GLG1: variants seen among roughly 807,000 people sequenced by gnomAD.
The protein encoded by GLG1 is Golgi apparatus protein 1.
Under a neutral mutation model 160.5 loss-of-function variants are expected in GLG1, and 38 were observed. That is an observed-to-expected ratio of 0.24 (90% CI 0.18 to 0.31). The LOEUF (loss-of-function observed/expected upper bound fraction) is 0.31, where lower values mean the gene tolerates loss of function less well. GLG1 is among the 10% of genes least tolerant of loss of function. GLG1 has a pLI of 1.00. For missense variants in GLG1, 1,373 were observed against 1,505.2 expected (o/e 0.91, Z 1.45); for synonymous variants, 644 against 543.4 (o/e 1.19, Z -2.57).
In GLG1 at chr16:74,606,722, C is replaced by T. The variant is rs565382408; in HGVS notation, c.373G>A (p.Val125Met). 3 of 1,612,642 alleles carry T rather than the reference C, an allele frequency of 1.9e-6. No individual in the cohort carries two copies. In the South Asian group the frequency reaches 3.3e-5, roughly 18 times the overall value. The change falls in exon 1 of 26, where the codon GTG becomes ATG. Residue 125 changes from valine to methionine, a missense_variant. Physicochemically the swap from Val to Met is conservative, Grantham distance 21. This residue lies in a region of GLG1 where 322 missense variants were observed against 254.6 expected (regional missense o/e 1.26). Transcript: ENST00000422840. ...EESCREDVTR[V>M]CPKHTWSNNL... ...TTGCTCCAGGTGTGCTTAGGGCACA[C>T]GCGGGTCACGTCCTCCCTGCAGGAC...
At chr16:74,503,773 C>T (rs1555510920) in intron 3 of GLG1, 27 bp from the exon 4 acceptor site, 2 of 1,409,648 alleles carry the variant, frequency 1.4e-6, no homozygotes, top group East Asian at 2.3e-5. Flanking sequence ...AGCTGTTTTA[C>T]AAAAGTGTTC....
At chr16:74,471,472 AAC>A (rs1169059217) in intron 14 of GLG1, among the ~76,000 whole-genome samples, 186 bp from the exon 15 acceptor site, 2 of 152,176 alleles carry the variant, frequency 1.3e-5, no homozygotes, top group African/African-American at 2.4e-5. Context: ...GCATAAAACT[AAC>A]ACAGCACTGT....
intron 8 of GLG1, among the ~76,000 whole-genome samples, chr16:74,490,671 T>C (rs1296995987): frequency 2.6e-5 from 4 of 152,224 alleles, no homozygotes; most frequent in Non-Finnish European, 5.9e-5. Flanking sequence ...TCGTCATTGA[T>C]TGGAACCTGG....
At chr16:74,466,829 A>G (rs567000835) in intron 18 of GLG1, among the ~76,000 whole-genome samples, 211 of 152,302 alleles carry the variant, frequency 1.4e-3, no homozygotes, top group African/African-American at 4.8e-3. Context: ...GGAGTTACCT[A>G]AAATGTAGTA....
chr16:74,596,598 T>C (rs1025470250), intron 1 of GLG1, among the ~76,000 whole-genome samples: 1 of 152,242 alleles, frequency 6.6e-6, no homozygotes, highest in Non-Finnish European at 1.5e-5. Flanking sequence ...TATTTTATAC[T>C]TACAGCACAT....
At chr16:74,542,778 G>GAAGGAAGGA (rs1567514208) in intron 1 of GLG1, among the ~76,000 whole-genome samples, 3 of 147,412 alleles carry the variant, frequency 2.0e-5, no homozygotes, top group South Asian at 2.2e-4. Context: ...AGGAAGGAAG[G>GAAGGAAGGA]AAGGAAGGAA....
At chr16:74,531,678 AT>A (rs1395101186) in intron 2 of GLG1, among the ~76,000 whole-genome samples, 1 of 152,134 alleles carries the variant, frequency 6.6e-6, no homozygotes, top group Non-Finnish European at 1.5e-5. Context: ...GACAAAATTC[AT>A]TTTTGTGTCT....
intron 1 of GLG1, among the ~76,000 whole-genome samples, chr16:74,570,760 C>G (rs1190525914): frequency 1.3e-5 from 2 of 152,070 alleles, no homozygotes; most frequent in Admixed American, 6.6e-5. Flanking sequence ...TGGTGGCACA[C>G]GCCTACAGAC....
Position 74,606,780 on chromosome 16 carries a change from C to G in GLG1, c.315G>C (p.Gly105=). 6.2e-7 allele frequency: 1 copy of G among 1,605,618 alleles called. No individual in the cohort carries two copies. Among genetic ancestry groups the G allele is most frequent in the South Asian group, 1.1e-5 (1 of 90,500 alleles). ...GGPPARRGGA[G]AGGGWKLAEE... is the part of the protein sequence containing the mutation. Reference sequence around the variant, plus strand: ...CCGCCAGCTTCCAGCCCCCACCAGCCCCCGCTCCTCCCCGCCGGGCCGGAG... The same window carrying G: ...CCGCCAGCTTCCAGCCCCCACCAGCGCCCGCTCCTCCCCGCCGGGCCGGAG... The change falls in exon 1 of 26, where the codon GGG becomes GGC. Residue 105 remains glycine (G), a synonymous_variant. Coordinates refer to ENST00000422840, the MANE Select transcript of GLG1 (RefSeq NM_001145667.2).
At chr16:74,596,287 GGGGGGCTAAGGCA>G (rs1370273364) in intron 1 of GLG1, among the ~76,000 whole-genome samples, 1 of 152,014 alleles carries the variant, frequency 6.6e-6, no homozygotes, top group Admixed American at 6.6e-5. Flanking sequence ...CCAGCACTTT[GGGGGGCTAAGGCA>G]GGTGGATCAC....
chr16:74,470,506 T>C (rs1408908851), intron 15 of GLG1, among the ~76,000 whole-genome samples: 1 of 150,648 alleles, frequency 6.6e-6, no homozygotes, highest in African/African-American at 2.4e-5. Flanking sequence ...TGGAGTGCAG[T>C]TGTGCGATCT....
chr16:74,465,280 C>G (rs974816359), intron 19 of GLG1, among the ~76,000 whole-genome samples: 3 of 152,174 alleles, frequency 2.0e-5, no homozygotes, highest in Non-Finnish European at 4.4e-5. Flanking sequence ...CTGAATGTGC[C>G]AGATGGATGA....
Position 74,467,812 on chromosome 16 carries a change from C to A in GLG1, c.2473G>T (p.Ala825Ser), listed in dbSNP as rs2015053620. Residue 825 changes from alanine to serine, a missense_variant, in exon 18 of 26, where the codon GCC (alanine) becomes TCC (serine). Around this residue, in one of 4 missense-constraint regions of GLG1, gnomAD observed 491 missense variants for 632.1 expected, o/e 0.78. Coordinates refer to ENST00000422840, the MANE Select transcript of GLG1 (RefSeq NM_001145667.2). ...DIRLEPDLYE[A>S]CKSDIKNFCS... ...AAGTTTTTGATGTCACTCTTGCAGG[C>A]TTCGTATAGATCTGGCTCCAAGCGG... The A allele has an allele frequency of 4.3e-6, 7 of 1,613,534 alleles. No individual in the cohort carries two copies. Among genetic ancestry groups the A allele is most frequent in the Non-Finnish European group, 5.9e-6 (7 of 1,179,620 alleles).
chr16:74,517,448 C>G (rs1473905058), intron 2 of GLG1, among the ~76,000 whole-genome samples: 1 of 152,146 alleles, frequency 6.6e-6, no homozygotes, highest in African/African-American at 2.4e-5. Context: ...GTAATAAAAA[C>G]CACATGATTA....
At chr16:74,545,499 C>T (rs554622209) in intron 1 of GLG1, among the ~76,000 whole-genome samples, 2 of 152,300 alleles carry the variant, frequency 1.3e-5, no homozygotes, top group Admixed American at 6.5e-5. Flanking sequence ...ACCAAGTTTT[C>T]GAAGCCCAGA....
At position 74,452,859 on chromosome 16, in the gene GLG1, G is replaced by A. The variant is rs896231262; in HGVS notation, c.*308C>T. 4.6e-6 allele frequency: 5 copies of A among 1,085,448 alleles called. No homozygotes were observed. The highest frequency in any genetic ancestry group is 5.6e-6 in the Non-Finnish European group (5 of 895,320). 67.2% of individuals were successfully genotyped at this position (1,085,448 alleles called of 1,614,324 possible). A position where few individuals can be genotyped will look rare whatever the true frequency, so the allele number is the denominator to read the frequency against. On this transcript the variant is annotated 3_prime_UTR_variant, in exon 26 of 26. Transcript: ENST00000422840. ...AAAGCCTTTGAGTTGCAGGTCAGGT[G>A]AGTTGGTTCTGGAAGTACCGGAAGT...
chr16:74,504,989 A>T (rs1200707567), intron 3 of GLG1, among the ~76,000 whole-genome samples: 1 of 152,262 alleles, frequency 6.6e-6, no homozygotes, highest in Non-Finnish European at 1.5e-5. Context: ...AAATTAAGAC[A>T]AACTGAAGTG....
chr16:74,577,157 C>T (rs2019027677), intron 1 of GLG1, among the ~76,000 whole-genome samples: 1 of 152,124 alleles, frequency 6.6e-6, no homozygotes, highest in African/African-American at 2.4e-5. Context: ...AACTCCTGGG[C>T]TCAAGAGATC....
intron 1 of GLG1, among the ~76,000 whole-genome samples, chr16:74,585,954 T>C (rs927091224): frequency 1.3e-4 from 19 of 147,142 alleles, no homozygotes; most frequent in African/African-American, 2.0e-4. Flanking sequence ...TCCCAGCTAC[T>C]TGGGGGGCCG....
Sources: gnomAD v4.1 joint callset for allele counts (sites outside exome capture counted in the v4.1 genomes callset) on GRCh38, gnomAD v4.1.1 for gene constraint, gnomAD v4.1.1 regional missense constraint, MANE v1.5 for transcripts, NCBI Gene and HGNC (gene_info 2026-07-23, HGNC 2026-07-21) for gene names.